The following UTRN variants were observed in gnomAD, a reference collection of about 807,000 sequenced individuals.
UTRN encodes the protein dystrophin-related protein 1.
UTRN carries 283 observed loss-of-function variants against 463.9 expected under a neutral mutation model. The ratio of observed to expected loss-of-function variants is 0.61; its 90% CI spans 0.55 to 0.67. The LOEUF is 0.67. UTRN is among the 30% of genes least tolerant of loss of function. UTRN has a pLI of 0.00. For synonymous variants in UTRN, 1,442 were observed against 1,431.5 expected, an observed-to-expected ratio of 1.01 and a Z score of -0.17; for missense variants, 3,922 against 4,084.3, an observed-to-expected ratio of 0.96 and a Z score of 1.08.
intron 61 of UTRN, 54 bp downstream of exon 61, chr6:144,782,177 T>C (rs1775891609): frequency 7.0e-7 from 1 of 1,429,500 alleles, no homozygotes; most frequent in African/African-American, 1.4e-5. Context: ...AATATGTTAA[T>C]AGAAAATGTC....
At chr6:144,479,623 C>T (rs1345374861) in intron 25 of UTRN, among the ~76,000 whole-genome samples, 189 bp from the exon 26 acceptor site, 5 of 152,274 alleles carry the variant, frequency 3.3e-5, no homozygotes, top group Non-Finnish European at 5.9e-5. Context: ...GAATCCCAGT[C>T]TTAAGATTAT....
At chr6:144,695,258 T>C (rs1339299491) in intron 52 of UTRN, among the ~76,000 whole-genome samples, 1 of 152,158 alleles carries the variant, frequency 6.6e-6, no homozygotes, top group Non-Finnish European at 1.5e-5. Flanking sequence ...GGTGTGGCCA[T>C]TGGAACAATG....
Position 144,496,738 on chromosome 6 carries a change from G to C in UTRN, c.4594-2519G>C, listed in dbSNP as rs565618879. Among the ~76,000 whole-genome samples, 5 of 152,334 alleles carry C rather than the reference G, an allele frequency of 3.3e-5. No homozygotes were observed. In the South Asian group the frequency reaches 1.0e-3, roughly 32 times the overall value. ...TGATGTCACATTATCAGTCTGAAGA[G>C]TTATGAAGAATGTACATGGTTCTTT... On this transcript the variant is annotated intron_variant, in intron 33 of 74. Transcript: ENST00000367545.
At position 144,703,136 on chromosome 6, in the gene UTRN, A is replaced by C. The variant is rs190131190; in HGVS notation, c.7809+2893A>C. Among the ~76,000 whole-genome samples, 10 of 152,330 alleles carry C rather than the reference A, an allele frequency of 6.6e-5. No homozygotes were observed. The East Asian group carries it at 1.9e-3, about 29-fold the overall frequency. On this transcript the variant is annotated intron_variant, in intron 53 of 74. Coordinates refer to ENST00000367545, the MANE Select transcript of UTRN (RefSeq NM_007124.3). ...GAAGACATTTGGAAAGAATCAACAA[A>C]ATTTGCTGATGGATTAGATGTGTGG...
At chr6:144,499,970 A>C (rs1794028435) in intron 34 of UTRN, among the ~76,000 whole-genome samples, 1 of 152,042 alleles carries the variant, frequency 6.6e-6, no homozygotes, top group South Asian at 2.1e-4. Context: ...GTTGTATGGT[A>C]CTCCATGGTG....
chr6:144,687,548 G>A (rs1782893796), intron 52 of UTRN, among the ~76,000 whole-genome samples: 1 of 151,952 alleles, frequency 6.6e-6, no homozygotes. Flanking sequence ...TTTGGCATTT[G>A]GCTGTGTGAA....
chr6:144,796,543 T>C (rs1252922849), intron 63 of UTRN, among the ~76,000 whole-genome samples: 1 of 152,228 alleles, frequency 6.6e-6, no homozygotes, highest in East Asian at 1.9e-4. Flanking sequence ...CAGTTTTTTT[T>C]CTTTGAGACT....
At chr6:144,490,825 C>CT in intron 31 of UTRN, 104 bp from the exon 32 acceptor site, 1 of 1,308,976 alleles carries the variant, frequency 7.6e-7, no homozygotes, top group South Asian at 1.7e-5. Flanking sequence ...GAATTTTTTT[C>CT]TTTTGGTACT....
At chr6:144,419,565 T>C (rs936042174) in intron 3 of UTRN, among the ~76,000 whole-genome samples, 4 of 152,248 alleles carry the variant, frequency 2.6e-5, no homozygotes, top group African/African-American at 9.6e-5. Flanking sequence ...CTGTGTTCAC[T>C]ACTTGGGCAA....
At chr6:144,516,475 A>T in intron 38 of UTRN, 88 bp downstream of exon 38, 1 of 1,399,258 alleles carries the variant, frequency 7.1e-7, no homozygotes, top group South Asian at 1.4e-5. Context: ...TGCCCATATA[A>T]TCTGTCAAAC....
rs563312992 is a variant in UTRN, at chr6:144,763,129, A to G, written c.8495+5140A>G. On this transcript the variant is annotated intron_variant, in intron 58 of 74. Coordinates refer to ENST00000367545, the MANE Select transcript of UTRN (RefSeq NM_007124.3). Reference sequence around the variant, plus strand: ...ACACAACACACAGCTTTCATTATGTACATATTAGTAATCTCTGGTTATATA... The same window carrying G: ...ACACAACACACAGCTTTCATTATGTGCATATTAGTAATCTCTGGTTATATA... 5.3e-5 allele frequency among the ~76,000 whole-genome samples: 8 copies of G among 152,302 alleles called. No individual in the cohort carries two copies. In the East Asian group the frequency reaches 1.5e-3, roughly 29 times the overall value.
chr6:144,649,638 A>G (rs1435690296), intron 51 of UTRN, among the ~76,000 whole-genome samples: 1 of 152,208 alleles, frequency 6.6e-6, no homozygotes, highest in African/African-American at 2.4e-5. Context: ...TGAATTTTAA[A>G]TCTGTAAGCC....
intron 53 of UTRN, among the ~76,000 whole-genome samples, chr6:144,728,351 A>G (rs1438420477): frequency 6.6e-6 from 1 of 152,128 alleles, no homozygotes; most frequent in Non-Finnish European, 1.5e-5. Context: ...AATCTAAGTT[A>G]AAGAACTGGC....
chr6:144,303,772 T>C (rs1421206517), intron 2 of UTRN, among the ~76,000 whole-genome samples: 1 of 152,204 alleles, frequency 6.6e-6, no homozygotes, highest in Non-Finnish European at 1.5e-5. Context: ...TCATCTTAAA[T>C]GAAGGTAAAA....
At chr6:144,607,142 G>C (rs998007186) in intron 51 of UTRN, among the ~76,000 whole-genome samples, 1 of 152,158 alleles carries the variant, frequency 6.6e-6, no homozygotes, top group African/African-American at 2.4e-5. Context: ...TTGCTTATGA[G>C]AATCAATGTT....
chr6:144,340,839 C>T (rs1353323674), intron 2 of UTRN, among the ~76,000 whole-genome samples: 6 of 152,280 alleles, frequency 3.9e-5, no homozygotes, highest in Non-Finnish European at 8.8e-5. Context: ...TTTTCAAAAG[C>T]GCCCCCCTAT....
chr6:144,740,229 G>T (rs1462421629), intron 54 of UTRN, among the ~76,000 whole-genome samples: 1 of 152,130 alleles, frequency 6.6e-6, no homozygotes, highest in African/African-American at 2.4e-5. Context: ...GTAATAATTA[G>T]TATTTGTAGC....
chr6:144,837,738 C>A (rs1276401970), intron 71 of UTRN, among the ~76,000 whole-genome samples: 1 of 152,162 alleles, frequency 6.6e-6, no homozygotes, highest in Non-Finnish European at 1.5e-5. Flanking sequence ...AAAACAGTGT[C>A]ATTTCTGCCT....
At chr6:144,700,700 T>C (rs989225063) in intron 53 of UTRN, among the ~76,000 whole-genome samples, 1 of 151,854 alleles carries the variant, frequency 6.6e-6, no homozygotes, top group South Asian at 2.1e-4. Context: ...CCCAAGTAGC[T>C]GGGACTACAG....
Sources: allele counts gnomAD v4.1 joint callset (sites outside exome capture counted in the v4.1 genomes callset), GRCh38; gene constraint gnomAD v4.1.1; transcripts MANE v1.5; gene names NCBI Gene and HGNC (gene_info 2026-07-23, HGNC 2026-07-21).